Variants in NRG1 observed in about 807,000 individuals in gnomAD.
NRG1 encodes pro-neuregulin-1, membrane-bound isoform.
A neutral mutation model predicts 63.8 loss-of-function variants in NRG1; 18 were observed. The observed-to-expected ratio is 0.28, with a 90% CI of 0.19 to 0.42. NRG1 has a LOEUF of 0.42. Ranked by LOEUF, NRG1 falls within the 10% of genes least tolerant of loss-of-function variation. The pLI, the probability that NRG1 is intolerant of heterozygous loss-of-function variation, is 1.00. For missense variants in NRG1, 762 were observed against 814.7 expected (o/e 0.94, Z 0.79); for synonymous variants, 302 against 301.3 (o/e 1.00, Z -0.02).
chr8:32,672,550 G>A (rs566007270), intron 5 of NRG1, among the ~76,000 whole-genome samples: 17 of 152,158 alleles, frequency 1.1e-4, no homozygotes, highest in African/African-American at 3.6e-4. Context: ...AAATCCAAAT[G>A]TCCATGATTT....
At chr8:32,599,538 T>A (rs1563739643) in intron 2 of NRG1, among the ~76,000 whole-genome samples, 1 of 152,230 alleles carries the variant, frequency 6.6e-6, no homozygotes, top group Non-Finnish European at 1.5e-5. Flanking sequence ...GTGTTCTTTG[T>A]ATGATTTTTG....
rs1803699403 is a variant in NRG1 at position 31,640,876 on chromosome 8, T to C, written c.37+1445T>C. 7.3e-7 allele frequency: 1 copy of C among 1,370,976 alleles called. No homozygotes were observed. Among genetic ancestry groups the C allele is most frequent in the Non-Finnish European group, 9.4e-7 (1 of 1,064,816 alleles). 84.9% of individuals were successfully genotyped at this position (1,370,976 alleles called of 1,614,324 possible). A position where few individuals can be genotyped will look rare whatever the true frequency, so the allele number is the denominator to read the frequency against. On this transcript the variant is annotated intron_variant, in intron 1 of 10. Transcript: ENST00000519301. This position sits in a 1 kb window ranked among gnomAD's most constrained non-coding sequence, Gnocchi z 6.3. ...TTTCAGGGTGGTGGGTTCTCAGCGA[T>C]CCTCAGAGAGGGAGGTTTCGCTTTC...
At position 32,646,103 on chromosome 8, in the gene NRG1, G is replaced by A. The variant is rs1011372411; in HGVS notation, c.502+29218G>A. On this transcript the variant is annotated intron_variant, in intron 5 of 11. Coordinates refer to ENST00000356819, the Ensembl canonical transcript of NRG1. ...TAAAAATGAAGTGGTAGCTTTGCTC[G>A]CATCATAACTCTGTTACTTACTGGT... 3.9e-5 allele frequency among the ~76,000 whole-genome samples: 6 copies of A among 152,136 alleles called. No homozygotes were observed. In the South Asian group the frequency reaches 6.2e-4, roughly 16 times the overall value.
chr8:32,753,699 A>C (rs1829156492), intron 7 of NRG1, among the ~76,000 whole-genome samples: 1 of 152,144 alleles, frequency 6.6e-6, no homozygotes, highest in African/African-American at 2.4e-5. Flanking sequence ...CTCATATTGT[A>C]TTGCTTCTTG....
chr8:32,628,961 T>C (rs1009866970), intron 5 of NRG1, among the ~76,000 whole-genome samples: 20 of 152,106 alleles, frequency 1.3e-4, no homozygotes, highest in Non-Finnish European at 4.4e-5. Flanking sequence ...CTCAAACTCC[T>C]GACCTCAAGT....
At chr8:32,759,522 G>A (rs1461314803) in intron 10 of NRG1, 86 bp downstream of exon 10, 1 of 1,478,536 alleles carries the variant, frequency 6.8e-7, no homozygotes, top group Admixed American at 1.9e-5. Context: ...AAGAAAGGAG[G>A]CAGTGAAATG....
chr8:32,456,074 T>A (rs1821559971), intron 1 of NRG1, among the ~76,000 whole-genome samples: 1 of 152,226 alleles, frequency 6.6e-6, no homozygotes, highest in South Asian at 2.1e-4. Flanking sequence ...AATGCTGTTC[T>A]TTTTACTAAT....
At chr8:31,790,398 A>G (rs537503169) in intron 1 of NRG1, among the ~76,000 whole-genome samples, 2 of 152,148 alleles carry the variant, frequency 1.3e-5, no homozygotes, top group Non-Finnish European at 2.9e-5. Flanking sequence ...TTGGCAATCC[A>G]TCTCTAAACC....
chr8:31,869,771 A>G (rs1391918024), intron 1 of NRG1, among the ~76,000 whole-genome samples: 7 of 152,206 alleles, frequency 4.6e-5, no homozygotes, highest in Non-Finnish European at 8.8e-5. Flanking sequence ...AAGTTGGTAT[A>G]AAGTGATGGT....
chr8:31,975,330 C>T (rs1807990015), intron 1 of NRG1, among the ~76,000 whole-genome samples: 1 of 152,082 alleles, frequency 6.6e-6, no homozygotes, highest in African/African-American at 2.4e-5. Context: ...GCTGCACTAC[C>T]CCACACAGTT....
chr8:32,118,814 C>T (rs1044084898), intron 1 of NRG1, among the ~76,000 whole-genome samples: 5 of 151,986 alleles, frequency 3.3e-5, no homozygotes, highest in African/African-American at 9.7e-5. Flanking sequence ...GTTGTTTCAC[C>T]GTCCTTTGAA....
At chr8:32,760,559 CTTTG>C (rs896707117) in intron 11 of NRG1, 153 bp downstream of exon 11, 1 of 1,443,724 alleles carries the variant, frequency 6.9e-7, no homozygotes, top group Non-Finnish European at 9.1e-7. Context: ...GAAGTCATCT[CTTTG>C]TTTGACGGAA....
At chr8:31,749,497 T>C (rs1337521755) in intron 1 of NRG1, among the ~76,000 whole-genome samples, 2 of 151,864 alleles carry the variant, frequency 1.3e-5, no homozygotes, top group African/African-American at 4.8e-5. Context: ...TCAAAGTATG[T>C]AGTATGTAAG....
chr8:32,012,235 T>C (rs1353154090), intron 1 of NRG1, among the ~76,000 whole-genome samples: 2 of 152,114 alleles, frequency 1.3e-5, no homozygotes, highest in African/African-American at 4.8e-5. Flanking sequence ...AGCTGCTGAA[T>C]GCTAATAGGT....
chr8:32,445,388 A>G (rs1395745760), intron 1 of NRG1, among the ~76,000 whole-genome samples: 1 of 152,202 alleles, frequency 6.6e-6, no homozygotes. Context: ...TGTAATAGTC[A>G]AAGACAAGAG....
chr8:32,415,698 A>T (rs976707504), intron 1 of NRG1, among the ~76,000 whole-genome samples: 1 of 152,058 alleles, frequency 6.6e-6, no homozygotes, highest in Non-Finnish European at 1.5e-5. Context: ...TTCCATGTAC[A>T]CTTCATTCCC....
chr8:32,356,795 G>C (rs763611398), intron 1 of NRG1, among the ~76,000 whole-genome samples: 2 of 152,138 alleles, frequency 1.3e-5, no homozygotes, highest in Non-Finnish European at 2.9e-5. Flanking sequence ...GATCTCATTT[G>C]TCTTCATTTC....
chr8:31,957,771 A>G (rs980145562), intron 1 of NRG1, among the ~76,000 whole-genome samples: 1 of 152,108 alleles, frequency 6.6e-6, no homozygotes, highest in Non-Finnish European at 1.5e-5. Context: ...GGTGTAGACT[A>G]GGAAAGCATT....
chr8:32,047,750 TTAGA>T (rs1254161682), intron 1 of NRG1, among the ~76,000 whole-genome samples: 4 of 152,080 alleles, frequency 2.6e-5, no homozygotes, highest in African/African-American at 7.2e-5. Flanking sequence ...ATGTATTACA[TTAGA>T]TAGTTACCAT....
Sources: gnomAD v4.1 joint callset for allele counts (sites outside exome capture counted in the v4.1 genomes callset) on GRCh38, gnomAD v4.1.1 for gene constraint, Gnocchi (gnomAD v3.1) non-coding constraint, MANE v1.5 for transcripts, NCBI Gene and HGNC (gene_info 2026-07-23, HGNC 2026-07-21) for gene names.